Variants in HMCN2 observed in about 807,000 individuals in gnomAD.
The protein encoded by HMCN2 is hemicentin-2.
A neutral mutation model predicts 377.5 loss-of-function variants in HMCN2; 325 were observed. That is an observed-to-expected ratio of 0.86 (90% confidence interval 0.79 to 0.94). HMCN2 has a LOEUF of 0.94. Among genes scored for constraint, HMCN2 ranks in the 40% least tolerant of loss-of-function variants. The probability of loss-of-function intolerance (pLI) is 0.00; values close to 1 mark genes in which losing one functional copy is unlikely to be tolerated. For synonymous variants in HMCN2, 2,007 were observed against 2,046.8 expected (o/e 0.98, Z 0.53); for missense variants, 4,543 against 4,725.3 (o/e 0.96, Z 1.13).
chr9:130,380,396 A>G (rs1345697799), intron 54 of HMCN2, among the ~76,000 whole-genome samples: 2 of 152,046 alleles, frequency 1.3e-5, no homozygotes, highest in East Asian at 3.9e-4. Context: ...CCTGCCAGAG[A>G]TGGGCCGGCA....
At chr9:130,416,593 C>T (rs1156606249) in intron 85 of HMCN2, among the ~76,000 whole-genome samples, 1 of 152,162 alleles carries the variant, frequency 6.6e-6, no homozygotes, top group East Asian at 1.9e-4. Flanking sequence ...GGTTAGTTTC[C>T]AGTGATGGGC....
Position 130,294,896 on chromosome 9 carries a change from G to T in HMCN2, c.654G>T (p.Val218=). The part of the protein sequence containing the change: ...WVESAIQASK[V]HLLSTDHEEE... ...AGTCAGCGATCCAGGCCTCCAAGGT[G>T]CACCTGCTGTCCACAGACCACGAGG... Residue 218 remains valine (V), a synonymous_variant, in exon 5 of 98, where the codon GTG becomes GTT. Transcript: ENST00000683500. The T allele has an allele frequency of 2.1e-6, 1 of 469,010 alleles. No homozygotes were observed. The allele number at this position is 469,010 out of a possible 1,614,324, so 29.1% of individuals were successfully genotyped here.
intron 85 of HMCN2, among the ~76,000 whole-genome samples, chr9:130,418,315 C>T (rs1205874662): frequency 2.0e-5 from 3 of 152,188 alleles, no homozygotes; most frequent in Non-Finnish European, 4.4e-5. Flanking sequence ...AACCCCAGCA[C>T]TTTGGGAGAC....
chr9:130,377,177 G>A (rs931389124), intron 52 of HMCN2, among the ~76,000 whole-genome samples: 2 of 148,486 alleles, frequency 1.3e-5, no homozygotes, highest in South Asian at 2.2e-4. Context: ...ACAGTGGCAC[G>A]ATCTTGGCTC....
intron 22 of HMCN2, among the ~76,000 whole-genome samples, chr9:130,328,007 G>T (rs1838239012): frequency 6.6e-6 from 1 of 152,202 alleles, no homozygotes; most frequent in Admixed American, 6.5e-5. Context: ...CCCCAGGAGG[G>T]GATGTGGGGG....
At chr9:130,363,820 C>A (rs79047601) in intron 40 of HMCN2, among the ~76,000 whole-genome samples, 222 of 117,868 alleles carry the variant, frequency 1.9e-3, no homozygotes, top group South Asian at 4.1e-3. Flanking sequence ...CAGACTCTGT[C>A]AAAAAAAAAA....
intron 85 of HMCN2, among the ~76,000 whole-genome samples, chr9:130,411,626 A>C (rs1554971232): frequency 6.6e-6 from 1 of 151,878 alleles, no homozygotes; most frequent in Non-Finnish European, 1.5e-5. Flanking sequence ...AAAGAACAAA[A>C]GGAATGCAAT....
rs1176625340 is a variant in HMCN2, at chr9:130,351,497, T to TG, written c.4510dup (p.Asp1504GlyfsTer2). The TG allele has an allele frequency of 1.5e-6, 2 of 1,304,018 alleles. No individual in the cohort carries two copies. The highest frequency in any genetic ancestry group is 5.6e-5 in the East Asian group (1 of 18,012). 80.8% of individuals were successfully genotyped at this position (1,304,018 alleles called of 1,614,324 possible). A position where few individuals can be genotyped will look rare whatever the true frequency, so the allele number is the denominator to read the frequency against. The stretch of plus-strand genomic sequence containing the variant: ...GTTCTCAGGATCACCGGCAGTCACG[T>TG]GGGGGATGAGGGACGATACCAGTGC... On this transcript the variant is annotated frameshift_variant, in exon 30 of 98. Coordinates refer to ENST00000683500, the MANE Select transcript of HMCN2 (RefSeq NM_001291815.2). LOFTEE classifies it high-confidence loss of function. This position sits in a 1 kb window ranked among gnomAD's most constrained non-coding sequence, Gnocchi z 5.4.
At chr9:130,397,076 T>C (rs1842640103) in intron 73 of HMCN2, among the ~76,000 whole-genome samples, 1 of 152,206 alleles carries the variant, frequency 6.6e-6, no homozygotes, top group Non-Finnish European at 1.5e-5. Context: ...ATTTTCACGT[T>C]GCTGATAAAG....
chr9:130,307,685 G>A lies in HMCN2; in HGVS notation c.2200+119G>A, dbSNP rs150594438. On this transcript the variant is annotated intron_variant, in intron 14 of 97. Coordinates refer to ENST00000683500, the MANE Select transcript of HMCN2 (RefSeq NM_001291815.2). ...GAGCTGGAAGGTTCTGCTCCCCGCC[G>A]CCCTGACCCCCAGCCAGTGTCAGAG... The A allele has an allele frequency of 2.7e-3, 1,181 of 432,376 alleles. 14 individuals carry two copies. The highest frequency in any genetic ancestry group is 0.019 in the African/African-American group (942 of 49,504). 26.8% of individuals were successfully genotyped at this position (432,376 alleles called of 1,614,324 possible).
Position 130,391,076 on chromosome 9 carries a change from A to G in HMCN2, c.9623A>G (p.Asn3208Ser). 1.0e-6 allele frequency: 1 copy of G among 987,812 alleles called. No homozygotes were observed. The highest frequency in any genetic ancestry group is 1.7e-5 in the African/African-American group (1 of 57,418). The allele number at this position is 987,812 out of a possible 1,614,324, so 61.2% of individuals were successfully genotyped here. A position where few individuals can be genotyped will look rare whatever the true frequency, so the allele number is the denominator to read the frequency against. The change falls in exon 63 of 98, where the codon AAC becomes AGC. Residue 3208 changes from asparagine to serine, a missense_variant. Asn to Ser is a conservative substitution (Grantham distance 46). Around this residue, in one of 5 missense-constraint regions of HMCN2, gnomAD observed 736 missense variants for 773.2 expected, o/e 0.95. Transcript: ENST00000683500. Reference protein sequence around the residue: ...QAGTYTCVAENTQAEARKDFV... With the variant: ...QAGTYTCVAESTQAEARKDFV... ...GGCACCTACACGTGCGTGGCTGAGAACACCCAGGCTGAGGCCCGCAAGGAC... is the reference window on the plus strand; with the variant it reads ...GGCACCTACACGTGCGTGGCTGAGAGCACCCAGGCTGAGGCCCGCAAGGAC...
At chr9:130,273,069 TCA>T (rs1834489387) in intron 1 of HMCN2, among the ~76,000 whole-genome samples, 1 of 152,162 alleles carries the variant, frequency 6.6e-6, no homozygotes. Context: ...CTTGTTCTGT[TCA>T]CATTTATTTC....
intron 54 of HMCN2, 31 bp from the exon 55 acceptor site, chr9:130,382,153 G>A (rs1188440131): frequency 1.0e-6 from 1 of 965,786 alleles, no homozygotes; most frequent in African/African-American, 1.8e-5. Context: ...TCTCGTGCCT[G>A]AGCCCAGGCC....
chr9:130,307,462 C>A lies in HMCN2; in HGVS notation c.2096C>A (p.Ser699Ter), dbSNP rs143378550. The A allele has an allele frequency of 0.018, 8,711 of 471,034 alleles. 127 individuals are homozygous for A. Among genetic ancestry groups the A allele is most frequent in the Non-Finnish European group, 0.027 (6,089 of 227,028 alleles). 29.2% of individuals were successfully genotyped at this position (471,034 alleles called of 1,614,324 possible). The change falls in exon 14 of 98, where the codon TCG becomes TAG. Residue 699 changes from serine (S) to a stop codon, truncating the protein, a stop_gained. Transcript: ENST00000683500. LOFTEE classifies it high-confidence loss of function. ...TCTCTTCCCCACACAGACCCACCGT[C>A]GGTCTCTGCTGTAAATGCCGTGGTG... The part of the protein sequence containing the change: ...TVTLYYTDPP[S>*]VSAVNAVVLV...
rs1050409519 is a variant in HMCN2 at position 130,395,933 on chromosome 9, C to T, written c.10921C>T (p.His3641Tyr). The change falls in exon 72 of 98, where the codon CAC (histidine) becomes TAC (tyrosine). Residue 3641 changes from histidine to tyrosine, a missense_variant. Physicochemically the swap from His to Tyr is moderately conservative, Grantham distance 83. Transcript: ENST00000683500. ...TGGCGGGGCTCTCCAGGAGGACGCC[C>T]ACACACAATTCCCGGAGCGGGGCAG... is the stretch of plus-strand genomic sequence containing the variant. ...RDGIVLQEDA[H>Y]TQFPERGRFL... The T allele has an allele frequency of 2.1e-5, 27 of 1,287,112 alleles. No homozygotes were observed. Among genetic ancestry groups the T allele is most frequent in the Non-Finnish European group, 2.6e-5 (26 of 988,530 alleles). The allele number at this position is 1,287,112 out of a possible 1,614,324, so 79.7% of individuals were successfully genotyped here. A position where few individuals can be genotyped will look rare whatever the true frequency, so the allele number is the denominator to read the frequency against.
At chr9:130,427,741 T>C in intron 92 of HMCN2, 122 bp downstream of exon 92, 3 of 1,239,592 alleles carry the variant, frequency 2.4e-6, no homozygotes, top group Non-Finnish European at 3.3e-6. Flanking sequence ...GGCCAATTCT[T>C]GAGGGTTTTG....
At chr9:130,271,589 G>T (rs1834408896) in intron 1 of HMCN2, among the ~76,000 whole-genome samples, 1 of 148,772 alleles carries the variant, frequency 6.7e-6, no homozygotes, top group Non-Finnish European at 1.5e-5. Flanking sequence ...TGTGTTTTTT[G>T]TTTTTGTTTT....
intron 8 of HMCN2, 38 bp from the exon 9 acceptor site, chr9:130,302,819 G>A (rs781832134): frequency 2.6e-5 from 11 of 425,180 alleles, no homozygotes; most frequent in Non-Finnish European, 4.0e-5. Context: ...GCAAAGGGGC[G>A]GTGGGGAGAC....
At chr9:130,416,104 T>A (rs10901323) in intron 85 of HMCN2, among the ~76,000 whole-genome samples, 1,830 of 67,318 alleles carry the variant, frequency 0.027, 20 homozygotes, top group African/African-American at 0.035. Context: ...GGCTTTATTT[T>A]TTTTTTTTTT....
Sources: allele counts gnomAD v4.1 joint callset (sites outside exome capture counted in the v4.1 genomes callset), GRCh38; gene constraint gnomAD v4.1.1; regional missense constraint gnomAD v4.1.1; non-coding constraint Gnocchi (gnomAD v3.1); transcripts MANE v1.5; gene names NCBI Gene and HGNC (gene_info 2026-07-23, HGNC 2026-07-21).